The following EML6 variants were observed in gnomAD, a reference collection of about 807,000 sequenced individuals.
The protein encoded by EML6 is echinoderm microtubule-associated protein-like 6.
A neutral mutation model predicts 240.1 loss-of-function variants in EML6; 154 were observed. That is an observed-to-expected ratio of 0.64 (90% CI 0.56 to 0.73). The LOEUF is 0.73. Among genes scored for constraint, EML6 ranks in the 30% least tolerant of loss-of-function variants. The pLI, the probability that EML6 is intolerant of heterozygous loss-of-function variation, is 0.00. For missense variants in EML6, 2,964 were observed against 2,474.6 expected (o/e 1.20, Z -4.20); for synonymous variants, 1,148 against 899.0 (o/e 1.28, Z -4.95).
intron 2 of EML6, among the ~76,000 whole-genome samples, chr2:54,751,338 C>CT (rs1018496141): frequency 2.0e-5 from 3 of 152,124 alleles, no homozygotes; most frequent in Non-Finnish European, 4.4e-5. Flanking sequence ...TGGGCATGAG[C>CT]TTATCTTGGA....
At chr2:54,756,954 C>T (rs115646080) in intron 2 of EML6, among the ~76,000 whole-genome samples, 1,905 of 151,314 alleles carry the variant, frequency 0.013, 48 homozygotes, top group African/African-American at 0.044. Context: ...ATCCTATTTT[C>T]CTTATTATTA....
At chr2:54,833,337 A>G (rs1668972670) in intron 7 of EML6, among the ~76,000 whole-genome samples, 2 of 152,348 alleles carry the variant, frequency 1.3e-5, no homozygotes, top group East Asian at 3.9e-4. Context: ...ATTGGCATAC[A>G]TTTGCATCTT....
Position 54,899,737 on chromosome 2 carries a change from C to G in EML6, c.3079C>G (p.Leu1027Val). The change falls in exon 22 of 42, where the codon CTA (leucine) becomes GTA (valine). Residue 1027 changes from leucine (L) to valine (V), a missense_variant. Leu to Val is a conservative substitution (Grantham distance 32). Coordinates refer to ENST00000356458, the MANE Select transcript of EML6 (RefSeq NM_001039753.4). Reference protein sequence around the residue: ...SDDKTLRIWELSAQHRMLAVR... With the variant: ...SDDKTLRIWEVSAQHRMLAVR... Reference sequence around the variant, plus strand: ...TGATAAAACACTTCGCATCTGGGAACTATCTGCCCAGCACCGTATGCTGGC... The same window carrying G: ...TGATAAAACACTTCGCATCTGGGAAGTATCTGCCCAGCACCGTATGCTGGC... The G allele has an allele frequency of 6.4e-7, 1 of 1,551,928 alleles. No homozygotes were observed.
At chr2:54,861,970 A>C (rs566582028) in intron 12 of EML6, among the ~76,000 whole-genome samples, 5 of 152,270 alleles carry the variant, frequency 3.3e-5, no homozygotes, top group African/African-American at 1.2e-4. Context: ...ATATAAGAAC[A>C]AATTGAGAAC....
chr2:54,737,865 T>C (rs1683465991), intron 2 of EML6, among the ~76,000 whole-genome samples: 1 of 152,118 alleles, frequency 6.6e-6, no homozygotes, highest in Non-Finnish European at 1.5e-5. Flanking sequence ...ATCCAGTCTG[T>C]TTTCCCTACA....
At chr2:54,896,788 A>G (rs760651450) in intron 21 of EML6, among the ~76,000 whole-genome samples, 13 of 152,182 alleles carry the variant, frequency 8.5e-5, no homozygotes, top group Non-Finnish European at 5.9e-5. Context: ...ATGGAAACAC[A>G]TGTGCATATA....
intron 2 of EML6, among the ~76,000 whole-genome samples, chr2:54,744,615 A>T (rs1683815193): frequency 6.6e-6 from 1 of 151,866 alleles, no homozygotes; most frequent in Non-Finnish European, 1.5e-5. Flanking sequence ...GGAGAGGCAA[A>T]GGGGGCATTC....
At chr2:54,842,821 A>G (rs751125371) in intron 7 of EML6, among the ~76,000 whole-genome samples, 89 of 152,344 alleles carry the variant, frequency 5.8e-4, no homozygotes, top group Admixed American at 8.5e-4. Context: ...GGACGTGTGG[A>G]CTTTAAAGGA....
chr2:54,872,895 ATGGCACCCATTGCTCTTG>A (rs1428515693), intron 16 of EML6, among the ~76,000 whole-genome samples: 1 of 152,052 alleles, frequency 6.6e-6, no homozygotes, highest in Non-Finnish European at 1.5e-5. Context: ...CATTGCTCTT[ATGGCACCCATTGCTCTTG>A]TGGCACTCCA....
rs181963706 is a variant in EML6 at position 54,950,335 on chromosome 2, C to G, written c.4084-315C>G. On this transcript the variant is annotated intron_variant, in intron 29 of 41. Coordinates refer to ENST00000356458, the MANE Select transcript of EML6 (RefSeq NM_001039753.4). The stretch of plus-strand genomic sequence containing the variant: ...CTGCCAAGGCACAGACACAAAACTG[C>G]TAGGTACCCTTTACAGGGCATCAAA... 1.4e-3 allele frequency among the ~76,000 whole-genome samples: 211 copies of G among 152,322 alleles called. 1 individual carries two copies. The highest frequency in any genetic ancestry group is 4.8e-3 in the African/African-American group (199 of 41,562).
intron 2 of EML6, among the ~76,000 whole-genome samples, chr2:54,727,626 A>G (rs779052796): frequency 1.3e-5 from 2 of 152,218 alleles, no homozygotes; most frequent in Non-Finnish European, 2.9e-5. Flanking sequence ...GACTATAGCT[A>G]AGGTTCTAAT....
In EML6 at chr2:54,758,470, C is replaced by T. The variant is rs572408814; in HGVS notation, c.197+33212C>T. ...TTTCAGAAATGTTCTATTTTCTCAT[C>T]TTTGCTTCACTGTCTCTTACTAATC... is the stretch of plus-strand genomic sequence containing the variant. On this transcript the variant is annotated intron_variant, in intron 2 of 41. Transcript: ENST00000356458. Among the ~76,000 whole-genome samples the T allele has an allele frequency of 2.6e-5, 4 of 152,300 alleles. No individual in the cohort carries two copies. In the South Asian group the frequency reaches 8.3e-4, roughly 32 times the overall value.
intron 7 of EML6, among the ~76,000 whole-genome samples, chr2:54,836,166 CTG>C (rs1669131130): frequency 6.6e-6 from 1 of 152,142 alleles, no homozygotes. Context: ...TGTGGTGTCA[CTG>C]TGTGCGCAAG....
chr2:54,762,397 TA>T (rs1377574950), intron 2 of EML6, among the ~76,000 whole-genome samples: 2 of 152,212 alleles, frequency 1.3e-5, no homozygotes, highest in Non-Finnish European at 2.9e-5. Flanking sequence ...AATCGATCAT[TA>T]AATGTTATCC....
Position 54,863,868 on chromosome 2 carries a change from T to G in EML6, c.1911T>G (p.Ala637=). ...PELDSDIEQE[A]QINYDRQVYK... is the part of the protein sequence containing the mutation. The stretch of plus-strand genomic sequence containing the variant: ...TGGACTCTGATATTGAGCAAGAAGC[T>G]CAAATCAATTATGATCGCCAGGTCG... Residue 637 remains alanine (A), a synonymous_variant, in exon 13 of 42, where the codon GCT becomes GCG. Coordinates refer to ENST00000356458, the MANE Select transcript of EML6 (RefSeq NM_001039753.4). The G allele has an allele frequency of 6.5e-7, 1 of 1,543,518 alleles. No individual in the cohort carries two copies. The highest frequency in any genetic ancestry group is 8.8e-7 in the Non-Finnish European group (1 of 1,142,232).
At chr2:54,883,559 C>T (rs986985987) in intron 17 of EML6, among the ~76,000 whole-genome samples, 14 of 152,312 alleles carry the variant, frequency 9.2e-5, no homozygotes, top group East Asian at 1.9e-4. Context: ...CTCCTTCCTT[C>T]GTGCTTGCTG....
chr2:54,969,839 A>C (rs1676913475), intron 41 of EML6, among the ~76,000 whole-genome samples: 1 of 152,232 alleles, frequency 6.6e-6, no homozygotes. Context: ...TTTAGCACAG[A>C]CATTCAAACT....
intron 2 of EML6, among the ~76,000 whole-genome samples, chr2:54,736,727 C>A (rs900358021): frequency 2.6e-5 from 4 of 152,128 alleles, no homozygotes; most frequent in African/African-American, 9.7e-5. Context: ...CCTTTTCTTT[C>A]CTCATCATTG....
intron 14 of EML6, 176 bp downstream of exon 14, chr2:54,867,060 C>G: frequency 2.1e-6 from 1 of 465,264 alleles, no homozygotes; most frequent in Non-Finnish European, 4.0e-6. Context: ...GACTCTCTAT[C>G]CACTTCCCTC....
Sources: allele counts gnomAD v4.1 joint callset (sites outside exome capture counted in the v4.1 genomes callset), GRCh38; gene constraint gnomAD v4.1.1; transcripts MANE v1.5; gene names NCBI Gene and HGNC (gene_info 2026-07-23, HGNC 2026-07-21).